Variants in ZNF566 observed in about 807,000 individuals in gnomAD.
ZNF566 encodes the protein zinc finger protein 566.
In ZNF566, 27 loss-of-function variants were observed where a neutral mutation model predicts 32.8. The ratio of observed to expected loss-of-function variants is 0.82; its 90% CI spans 0.61 to 1.14. ZNF566 has a LOEUF of 1.14. ZNF566 is among the 50% of genes most tolerant of loss of function. ZNF566 has a pLI of 0.00. For synonymous variants in ZNF566, 154 were observed against 159.5 expected (o/e 0.97, Z 0.26); for missense variants, 402 against 490.4 (o/e 0.82, Z 1.70).
rs1250670066 is a variant in ZNF566 at position 36,447,933 on chromosome 19, T to C, written c.*1044A>G. The C allele has an allele frequency of 2.0e-5, 3 of 152,210 alleles. No individual in the cohort carries two copies. Among genetic ancestry groups the C allele is most frequent in the South Asian group, 2.1e-4 (1 of 4,836 alleles). The allele number at this position is 152,210 out of a possible 1,614,324, so 9.4% of individuals were successfully genotyped here. On this transcript the variant is annotated 3_prime_UTR_variant, in exon 5 of 5. Transcript: ENST00000452939. ...ATAATAATACTGATGATGATGAATA[T>C]AATAACGATGACTAACATTCAGTGA...
At chr19:36,460,421 G>A (rs968291255) in intron 4 of ZNF566, among the ~76,000 whole-genome samples, 2 of 152,046 alleles carry the variant, frequency 1.3e-5, no homozygotes, top group East Asian at 1.9e-4. Context: ...TGCAGTAGCC[G>A]AAATAAAAAC....
chr19:36,483,222 T>C (rs2034078162), intron 1 of ZNF566, among the ~76,000 whole-genome samples: 1 of 152,170 alleles, frequency 6.6e-6, no homozygotes, highest in African/African-American at 2.4e-5. Context: ...TGGAATAGAA[T>C]TAAACATATG....
chr19:36,480,607 G>A (rs1348798865), intron 1 of ZNF566, among the ~76,000 whole-genome samples: 1 of 111,246 alleles, frequency 9.0e-6, no homozygotes, highest in Non-Finnish European at 2.2e-5. Context: ...AGATGGGCAA[G>A]GACAATCTTT....
At chr19:36,487,246 G>T (rs1168828674) in intron 1 of ZNF566, among the ~76,000 whole-genome samples, 1 of 152,140 alleles carries the variant, frequency 6.6e-6, no homozygotes, top group Non-Finnish European at 1.5e-5. Context: ...TACATTGCTG[G>T]ATGGAGTGTA....
rs1003803103 is a variant in ZNF566, at chr19:36,447,320, T to C, written c.*1657A>G. On this transcript the variant is annotated 3_prime_UTR_variant, in exon 5 of 5. Transcript: ENST00000452939. ...GCGTGAGCCAAGATGTGTACTTCTA[T>C]ATAACTGAAATAGTTCCTTGAACAT... is the stretch of plus-strand genomic sequence containing the variant. The C allele has an allele frequency of 1.3e-5, 2 of 152,180 alleles. No individual in the cohort carries two copies. The highest frequency in any genetic ancestry group is 2.4e-5 in the African/African-American group (1 of 41,454). 9.4% of individuals were successfully genotyped at this position (152,180 alleles called of 1,614,324 possible).
chr19:36,476,470 T>A, intron 2 of ZNF566, 79 bp downstream of exon 2: 2 of 1,343,006 alleles, frequency 1.5e-6, no homozygotes, highest in South Asian at 1.3e-5. Flanking sequence ...TCAAAAAGCA[T>A]CATCATGAGG....
At chr19:36,462,956 CAAAAAAAAAA>C (rs755283751) in intron 4 of ZNF566, among the ~76,000 whole-genome samples, 14 of 38,562 alleles carry the variant, frequency 3.6e-4, no homozygotes, top group South Asian at 1.4e-3. Flanking sequence ...GACTCTGTCT[CAAAAAAAAAA>C]AAAAAAAAAA....
intron 1 of ZNF566, among the ~76,000 whole-genome samples, chr19:36,479,994 G>T (rs2033985486): frequency 6.6e-6 from 1 of 152,072 alleles, no homozygotes; most frequent in Non-Finnish European, 1.5e-5. Flanking sequence ...ACTGCATCAG[G>T]CCCCAAAATG....
chr19:36,487,521 CATGA>C (rs1050007377), intron 1 of ZNF566, among the ~76,000 whole-genome samples: 2 of 152,178 alleles, frequency 1.3e-5, no homozygotes, highest in African/African-American at 2.4e-5. Context: ...CACTGAACAA[CATGA>C]ATGAATTTCA....
intron 1 of ZNF566, among the ~76,000 whole-genome samples, chr19:36,486,540 G>A (rs2945960): frequency 0.34 from 51,714 of 151,614 alleles, 8,981 homozygotes; most frequent in African/African-American, 0.41. Flanking sequence ...CCGTGGTGGC[G>A]CAAGCCTGTA....
intron 1 of ZNF566, among the ~76,000 whole-genome samples, chr19:36,487,699 G>GAGTTCGA (rs2034201462): frequency 6.6e-6 from 1 of 151,958 alleles, no homozygotes; most frequent in Non-Finnish European, 1.5e-5. Flanking sequence ...CCTGAGGTCA[G>GAGTTCGA]GACTAGCTTT....
intron 4 of ZNF566, among the ~76,000 whole-genome samples, chr19:36,464,543 A>G (rs181671020): frequency 6.6e-6 from 1 of 152,322 alleles, no homozygotes; most frequent in Admixed American, 6.5e-5. Context: ...TAGGTCTTTA[A>G]TAAGAAAGCG....
At chr19:36,464,661 A>T (rs2033568014) in intron 4 of ZNF566, among the ~76,000 whole-genome samples, 1 of 152,110 alleles carries the variant, frequency 6.6e-6, no homozygotes, top group Non-Finnish European at 1.5e-5. Context: ...ATGCGCCTGC[A>T]GTCCTGGGAG....
chr19:36,458,841 T>C (rs2033385409), intron 4 of ZNF566, among the ~76,000 whole-genome samples: 1 of 152,178 alleles, frequency 6.6e-6, no homozygotes, highest in Non-Finnish European at 1.5e-5. Flanking sequence ...CCTAACTGTA[T>C]ACTGTAAATA....
intron 4 of ZNF566, among the ~76,000 whole-genome samples, chr19:36,458,077 C>T (rs1395213559): frequency 6.6e-6 from 1 of 152,130 alleles, no homozygotes; most frequent in African/African-American, 2.4e-5. Context: ...TACCCTATAA[C>T]TCAGCAAGCT....
intron 4 of ZNF566, among the ~76,000 whole-genome samples, chr19:36,471,228 A>T (rs552602895): frequency 2.8e-4 from 42 of 152,114 alleles, no homozygotes; most frequent in East Asian, 1.7e-3. Context: ...AAAAAAAAAA[A>T]AAAATAATGA....
intron 4 of ZNF566, among the ~76,000 whole-genome samples, chr19:36,470,859 A>G (rs1466952197): frequency 1.3e-5 from 2 of 150,916 alleles, no homozygotes; most frequent in Admixed American, 6.6e-5. Context: ...GCAGTGAGCC[A>G]AGATCATGCC....
chr19:36,480,692 T>C (rs529612655), intron 1 of ZNF566, among the ~76,000 whole-genome samples: 3 of 145,618 alleles, frequency 2.1e-5, no homozygotes, highest in African/African-American at 7.5e-5. Context: ...TACATAAGAA[T>C]TAATTTAAGA....
chr19:36,485,857 C>T (rs1409771359), intron 1 of ZNF566, among the ~76,000 whole-genome samples: 2 of 151,888 alleles, frequency 1.3e-5, no homozygotes, highest in East Asian at 3.9e-4. Flanking sequence ...ATTTCGAGAC[C>T]AGCCTGGCCA....
Sources: gnomAD v4.1 joint callset for allele counts (sites outside exome capture counted in the v4.1 genomes callset) on GRCh38, gnomAD v4.1.1 for gene constraint, MANE v1.5 for transcripts, NCBI Gene and HGNC (gene_info 2026-07-23, HGNC 2026-07-21) for gene names.